SSH2: variants seen among roughly 807,000 people sequenced by gnomAD.
SSH2 encodes slingshot protein phosphatase 2, also known as protein phosphatase Slingshot homolog 2.
Under a neutral mutation model 135.2 loss-of-function variants are expected in SSH2, and 37 were observed. The observed-to-expected ratio is 0.27, with a 90% confidence interval of 0.21 to 0.36. The LOEUF (loss-of-function observed/expected upper bound fraction) is 0.36, where lower values mean the gene tolerates loss of function less well. SSH2 is among the 10% of genes least tolerant of loss of function. The probability of loss-of-function intolerance (pLI) is 1.00; values close to 1 mark genes in which losing one functional copy is unlikely to be tolerated. For missense variants in SSH2, 1,408 were observed against 1,765.3 expected (o/e 0.80, Z 3.63); for synonymous variants, 628 against 646.2 (o/e 0.97, Z 0.43).
intron 3 of SSH2, among the ~76,000 whole-genome samples, chr17:29,753,069 T>G (rs2041000450): frequency 6.6e-6 from 1 of 152,132 alleles, no homozygotes; most frequent in East Asian, 1.9e-4. Context: ...GAGAATGAAA[T>G]AATATATCCA....
At chr17:29,922,901 C>G (rs1266267701) in intron 1 of SSH2, among the ~76,000 whole-genome samples, 1 of 152,136 alleles carries the variant, frequency 6.6e-6, no homozygotes, top group Non-Finnish European at 1.5e-5. Flanking sequence ...ATATATATAA[C>G]AGAAGTCTTT....
intron 2 of SSH2, among the ~76,000 whole-genome samples, chr17:29,816,084 A>G (rs2042554275): frequency 6.6e-6 from 1 of 151,966 alleles, no homozygotes; most frequent in Non-Finnish European, 1.5e-5. Context: ...CCTGGCCTCA[A>G]GTGATCCACC....
intron 2 of SSH2, among the ~76,000 whole-genome samples, chr17:29,804,686 T>G (rs190221665): frequency 1.0e-3 from 156 of 152,298 alleles, no homozygotes; most frequent in African/African-American, 3.5e-3. Flanking sequence ...TGTTGTTGTT[T>G]TTTGAGCCAG....
intron 3 of SSH2, among the ~76,000 whole-genome samples, chr17:29,761,885 A>ATT (rs199771095): frequency 0.013 from 1,841 of 139,456 alleles, 62 homozygotes; most frequent in African/African-American, 0.048. Context: ...ATATATATAT[A>ATT]TATTTTTTTT....
At chr17:29,807,089 A>G (rs575901791) in intron 2 of SSH2, among the ~76,000 whole-genome samples, 1 of 152,364 alleles carries the variant, frequency 6.6e-6, no homozygotes, top group South Asian at 2.1e-4. Flanking sequence ...AGGACTAACC[A>G]AGGTTACAAA....
intron 4 of SSH2, among the ~76,000 whole-genome samples, chr17:29,701,833 A>T (rs117988800): frequency 1.3e-5 from 2 of 151,846 alleles, no homozygotes; most frequent in Non-Finnish European, 2.9e-5. Flanking sequence ...GGCGTCCCCA[A>T]ATGCTAGGAT....
At chr17:29,769,014 A>G (rs2041510681) in intron 3 of SSH2, among the ~76,000 whole-genome samples, 1 of 152,132 alleles carries the variant, frequency 6.6e-6, no homozygotes, top group Non-Finnish European at 1.5e-5. Context: ...CAGGAATTCG[A>G]GACCAGCCTA....
At chr17:29,808,857 A>C (rs2042393801) in intron 2 of SSH2, among the ~76,000 whole-genome samples, 1 of 152,206 alleles carries the variant, frequency 6.6e-6, no homozygotes, top group African/African-American at 2.4e-5. Flanking sequence ...GATAACAACT[A>C]AATAAAAAGG....
intron 1 of SSH2, among the ~76,000 whole-genome samples, chr17:29,869,021 T>A (rs1300415624): frequency 6.6e-6 from 1 of 152,104 alleles, no homozygotes; most frequent in East Asian, 1.9e-4. Context: ...AGCCATAAAA[T>A]AGCAATGCCC....
intron 1 of SSH2, among the ~76,000 whole-genome samples, chr17:29,865,340 A>G: frequency 6.6e-6 from 1 of 152,240 alleles, no homozygotes; most frequent in Non-Finnish European, 1.5e-5. Flanking sequence ...AAAGAGAATC[A>G]GCAGTTTAAA....
At chr17:29,874,497 TGTTCTCATGATAGTGAGTGA>T (rs1198621725) in intron 1 of SSH2, among the ~76,000 whole-genome samples, 1 of 152,210 alleles carries the variant, frequency 6.6e-6, no homozygotes, top group East Asian at 1.9e-4. Context: ...TCCTGCATGC[TGTTCTCATGATAGTGAGTGA>T]GTTCTCATGA....
At chr17:29,719,039 A>G (rs1390143913) in intron 3 of SSH2, among the ~76,000 whole-genome samples, 1 of 152,156 alleles carries the variant, frequency 6.6e-6, no homozygotes, top group Non-Finnish European at 1.5e-5. Context: ...TATTTAGTGT[A>G]GGAGGGGACT....
chr17:29,645,281 G>A (rs1379202837), intron 14 of SSH2: 1 of 152,142 alleles, frequency 6.6e-6, no homozygotes, highest in African/African-American at 2.4e-5. Flanking sequence ...GGTGAACCAG[G>A]AATGGAAACC....
At chr17:29,736,396 A>C (rs1847329349) in intron 3 of SSH2, among the ~76,000 whole-genome samples, 1 of 152,222 alleles carries the variant, frequency 6.6e-6, no homozygotes, top group South Asian at 2.1e-4. Context: ...TTCAGCATCC[A>C]AGGAAATGAT....
At chr17:29,793,201 T>C (rs1173407392) in intron 3 of SSH2, among the ~76,000 whole-genome samples, 2 of 152,080 alleles carry the variant, frequency 1.3e-5, no homozygotes, top group African/African-American at 2.4e-5. Context: ...ACTTCCTAGA[T>C]TTCTCTCACA....
intron 1 of SSH2, among the ~76,000 whole-genome samples, chr17:29,903,285 AAT>A (rs981201818): frequency 2.0e-5 from 3 of 147,738 alleles, no homozygotes; most frequent in African/African-American, 7.3e-5. Flanking sequence ...ATATATTTAA[AAT>A]ATATATATAT....
chr17:29,644,210 T>A (rs2036281274), intron 14 of SSH2, among the ~76,000 whole-genome samples: 1 of 152,168 alleles, frequency 6.6e-6, no homozygotes, highest in Non-Finnish European at 1.5e-5. Flanking sequence ...GGCCCCTAGT[T>A]TTCTGACTTC....
chr17:29,658,169 A>T (rs2036870327), intron 11 of SSH2, among the ~76,000 whole-genome samples: 1 of 150,446 alleles, frequency 6.6e-6, no homozygotes, highest in Non-Finnish European at 1.5e-5. Flanking sequence ...ACACCCAGCT[A>T]GTTTTGGTAT....
Position 29,666,361 on chromosome 17 carries a change from G to A in SSH2, c.1032+506C>T, listed in dbSNP as rs528445874. Among the ~76,000 whole-genome samples, 8 of 152,062 alleles carry A rather than the reference G, an allele frequency of 5.3e-5. No homozygotes were observed. In the East Asian group the frequency reaches 5.8e-4, roughly 11 times the overall value. On this transcript the variant is annotated intron_variant, in intron 11 of 15. Transcript: ENST00000540801. ...TACACTCCAGGCTGGGCAACAGAGC[G>A]AGACCCTGTTTCAAAAATAAAAATA...
Sources: allele counts gnomAD v4.1 joint callset (sites outside exome capture counted in the v4.1 genomes callset), GRCh38; gene constraint gnomAD v4.1.1; transcripts MANE v1.5; gene names NCBI Gene and HGNC (gene_info 2026-07-23, HGNC 2026-07-21).